The following PSMD14 variants were observed in gnomAD, a reference collection of about 807,000 sequenced individuals.
The protein encoded by PSMD14 is ubiquitin C-terminal hydrolase PSMD14.
In PSMD14, 7 loss-of-function variants were observed where a neutral mutation model predicts 41.2. The ratio of observed to expected loss-of-function variants is 0.17; its 90% confidence interval spans 0.10 to 0.32. The LOEUF is 0.32. Among genes scored for constraint, PSMD14 ranks in the 10% least tolerant of loss-of-function variants. The probability of loss-of-function intolerance (pLI) is 1.00; values close to 1 mark genes in which losing one functional copy is unlikely to be tolerated. For synonymous variants in PSMD14, 114 were observed against 122.3 expected (o/e 0.93, Z 0.45); for missense variants, 139 against 375.6 (o/e 0.37, Z 5.21).
chr2:161,320,382 G>T (rs542714336), intron 3 of PSMD14, among the ~76,000 whole-genome samples: 3 of 152,142 alleles, frequency 2.0e-5, no homozygotes, highest in Non-Finnish European at 4.4e-5. Context: ...TGTCAATGGC[G>T]ACTTCAAAGC....
At chr2:161,393,826 A>T (rs1053199729) in intron 9 of PSMD14, among the ~76,000 whole-genome samples, 6 of 152,124 alleles carry the variant, frequency 3.9e-5, no homozygotes, top group African/African-American at 1.4e-4. Context: ...GTCTTAAAAT[A>T]TAAACTTGAA....
chr2:161,312,918 T>C (rs1486338775), intron 1 of PSMD14, among the ~76,000 whole-genome samples: 1 of 152,248 alleles, frequency 6.6e-6, no homozygotes, highest in Non-Finnish European at 1.5e-5. Flanking sequence ...TGGCAAACTA[T>C]GTGAGGAAGA....
intron 3 of PSMD14, among the ~76,000 whole-genome samples, chr2:161,355,859 A>G (rs1306394072): frequency 6.6e-6 from 1 of 152,216 alleles, no homozygotes; most frequent in Non-Finnish European, 1.5e-5. Context: ...TGGAAACCCT[A>G]TGTGATTAAA....
At chr2:161,310,825 C>G (rs971138827) in intron 1 of PSMD14, among the ~76,000 whole-genome samples, 2 of 152,156 alleles carry the variant, frequency 1.3e-5, no homozygotes, top group Non-Finnish European at 2.9e-5. Context: ...GCCTTTTTCA[C>G]TCTACACTGC....
Position 161,340,887 on chromosome 2 carries a change from T to C in PSMD14, c.48+22014T>C, listed in dbSNP as rs575507221. ...CTTCTCGTACTGGTTTCCCCTCAGCTTCCCGGGGCTGTATTTGAAGGAGAA... is the reference window on the plus strand; with the variant it reads ...CTTCTCGTACTGGTTTCCCCTCAGCCTCCCGGGGCTGTATTTGAAGGAGAA... On this transcript the variant is annotated intron_variant, in intron 3 of 11. Transcript: ENST00000409682. 2,924 of 1,613,908 alleles carry C rather than the reference T, an allele frequency of 1.8e-3. 6 individuals are homozygous for C. The highest frequency in any genetic ancestry group is 7.4e-3 in the Middle Eastern group (45 of 6,052).
At chr2:161,356,571 T>G (rs1683201276) in intron 3 of PSMD14, among the ~76,000 whole-genome samples, 1 of 152,102 alleles carries the variant, frequency 6.6e-6, no homozygotes, top group South Asian at 2.1e-4. Flanking sequence ...ACTCAATAAA[T>G]TATATGTTTA....
chr2:161,387,467 C>G (rs1242661804), intron 8 of PSMD14, among the ~76,000 whole-genome samples: 1 of 151,934 alleles, frequency 6.6e-6, no homozygotes, highest in African/African-American at 2.4e-5. Flanking sequence ...GGATAAAAGT[C>G]TGATAACAGC....
intron 7 of PSMD14, among the ~76,000 whole-genome samples, chr2:161,376,181 G>T (rs1683500483): frequency 6.6e-6 from 1 of 150,736 alleles, no homozygotes; most frequent in Non-Finnish European, 1.5e-5. Flanking sequence ...TTAGGGGTCA[G>T]GCCTGCATTA....
chr2:161,313,357 T>A (rs10170291), intron 1 of PSMD14, among the ~76,000 whole-genome samples: 98,857 of 151,984 alleles, frequency 0.65, 32,342 homozygotes, highest in Admixed American at 0.69. Context: ...TTAATTAATT[T>A]ATTTATTTTT....
At chr2:161,346,487 T>A (rs573220195) in intron 3 of PSMD14, among the ~76,000 whole-genome samples, 1 of 151,530 alleles carries the variant, frequency 6.6e-6, no homozygotes, top group Admixed American at 6.6e-5. Context: ...GACTGACTTA[T>A]CTCCTTACTG....
At chr2:161,371,042 T>C in intron 6 of PSMD14, 130 bp from the exon 7 acceptor site, 1 of 1,006,604 alleles carries the variant, frequency 9.9e-7, no homozygotes, top group Non-Finnish European at 1.4e-6. Context: ...GGGTTTCTAA[T>C]GGTGCTTTTT....
chr2:161,374,120 G>T (rs1244155848), intron 7 of PSMD14, among the ~76,000 whole-genome samples: 1 of 151,828 alleles, frequency 6.6e-6, no homozygotes, highest in Non-Finnish European at 1.5e-5. Context: ...TAATTCCTTA[G>T]TATTAAACCA....
chr2:161,391,504 C>T lies in PSMD14; in HGVS notation c.645+326C>T, dbSNP rs185165495. 2.8e-3 allele frequency among the ~76,000 whole-genome samples: 422 copies of T among 152,078 alleles called. 2 individuals carry two copies. Among genetic ancestry groups the T allele is most frequent in the African/African-American group, 9.9e-3 (411 of 41,464 alleles). ...TAACTTATCTTCTTCAATAAAAAGG[C>T]CTTTTGTAATTAAATTAGTAATATA... On this transcript the variant is annotated intron_variant, in intron 9 of 11. Coordinates refer to ENST00000409682, the MANE Select transcript of PSMD14 (RefSeq NM_005805.6).
intron 8 of PSMD14, among the ~76,000 whole-genome samples, chr2:161,386,219 G>GC (rs1291156771): frequency 6.6e-6 from 1 of 151,544 alleles, no homozygotes; most frequent in Non-Finnish European, 1.5e-5. Context: ...TTTATTTTCT[G>GC]CAAAAATTAT....
At chr2:161,377,543 T>C (rs1005441212) in intron 7 of PSMD14, among the ~76,000 whole-genome samples, 2 of 151,916 alleles carry the variant, frequency 1.3e-5, no homozygotes, top group Non-Finnish European at 2.9e-5. Context: ...TAAGAAATTG[T>C]CTGCTAGGAA....
chr2:161,384,713 A>G (rs1683612433), intron 7 of PSMD14: 1 of 151,830 alleles, frequency 6.6e-6, no homozygotes, highest in Non-Finnish European at 1.5e-5. Flanking sequence ...ATCTCTTTAT[A>G]TGTAAGAGCT....
intron 6 of PSMD14, 108 bp from the exon 7 acceptor site, chr2:161,371,064 G>A (rs930558722): frequency 7.9e-7 from 1 of 1,268,978 alleles, no homozygotes; most frequent in African/African-American, 1.5e-5. Flanking sequence ...ACACCTGTGT[G>A]TTTTTCATCT....
chr2:161,377,596 G>A (rs922087834), intron 7 of PSMD14, among the ~76,000 whole-genome samples: 11 of 151,942 alleles, frequency 7.2e-5, no homozygotes, highest in African/African-American at 2.6e-4. Flanking sequence ...AGCATAAGTC[G>A]TATATAGAGG....
chr2:161,346,016 C>T (rs1265587429), intron 3 of PSMD14, among the ~76,000 whole-genome samples: 6 of 152,024 alleles, frequency 3.9e-5, no homozygotes, highest in Admixed American at 6.6e-5. Context: ...CTCAGTCTCC[C>T]GACTACAGTC....
Sources: allele counts gnomAD v4.1 joint callset (sites outside exome capture counted in the v4.1 genomes callset), GRCh38; gene constraint gnomAD v4.1.1; transcripts MANE v1.5; gene names NCBI Gene and HGNC (gene_info 2026-07-23, HGNC 2026-07-21).